The following CDC42BPA variants were observed in gnomAD, a reference collection of about 807,000 sequenced individuals.
CDC42BPA encodes serine/threonine-protein kinase MRCK alpha.
Under a neutral mutation model 223.5 loss-of-function variants are expected in CDC42BPA, and 80 were observed. That is an observed-to-expected ratio of 0.36 (90% CI 0.30 to 0.43). CDC42BPA has a LOEUF of 0.43. CDC42BPA is among the 20% of genes least tolerant of loss of function. The pLI is 1.00. For missense variants in CDC42BPA, 1,743 were observed against 2,099.9 expected, an observed-to-expected ratio of 0.83 and a Z score of 3.32; for synonymous variants, 694 against 718.6, an observed-to-expected ratio of 0.97 and a Z score of 0.55.
intron 1 of CDC42BPA, among the ~76,000 whole-genome samples, chr1:227,259,915 C>CA (rs552286985): frequency 3.2e-4 from 48 of 147,734 alleles, no homozygotes; most frequent in African/African-American, 1.0e-3. Flanking sequence ...AAAACAAAAA[C>CA]AAAAAAAATT....
At chr1:227,130,671 A>G (rs1489800293) in intron 10 of CDC42BPA, among the ~76,000 whole-genome samples, 1 of 152,142 alleles carries the variant, frequency 6.6e-6, no homozygotes, top group Non-Finnish European at 1.5e-5. Context: ...CCTGGCCAAC[A>G]TGGTGAAACC....
chr1:227,193,464 T>C (rs1045679208), intron 5 of CDC42BPA, among the ~76,000 whole-genome samples: 21 of 152,214 alleles, frequency 1.4e-4, no homozygotes, highest in African/African-American at 5.1e-4. Context: ...ATCACTTGAA[T>C]AGTGTACCCT....
In CDC42BPA at chr1:227,185,453, T is replaced by C. The variant is rs1316805605; in HGVS notation, c.599+8333A>G. ...TACATATCCCCACGTGTTTGGAACA[T>C]CATGGTGCCCCGCATTTGCATATTA... On this transcript the variant is annotated intron_variant, in intron 5 of 36. Coordinates refer to ENST00000366766, the MANE Select transcript of CDC42BPA (RefSeq NM_001394014.1). Among the ~76,000 whole-genome samples the C allele has an allele frequency of 3.3e-5, 5 of 152,118 alleles. No homozygotes were observed. The East Asian group carries it at 9.6e-4, about 29-fold the overall frequency.
At chr1:227,277,681 T>C (rs2148536133) in intron 1 of CDC42BPA, among the ~76,000 whole-genome samples, 1 of 152,318 alleles carries the variant, frequency 6.6e-6, no homozygotes, top group African/African-American at 2.4e-5. Context: ...TTGATAAAAT[T>C]CTGTAACAGT....
Position 226,992,156 on chromosome 1 carries a change from T to G in CDC42BPA, c.*2112A>C, listed in dbSNP as rs1238866621. 1 of 151,910 alleles carries G rather than the reference T, an allele frequency of 6.6e-6. No homozygotes were observed. The highest frequency in any genetic ancestry group is 1.5e-5 in the Non-Finnish European group (1 of 67,996). 9.4% of individuals were successfully genotyped at this position (151,910 alleles called of 1,614,324 possible). A position where few individuals can be genotyped will look rare whatever the true frequency, so the allele number is the denominator to read the frequency against. On this transcript the variant is annotated 3_prime_UTR_variant, in exon 37 of 37. Transcript: ENST00000366766. ...GCTGACTCCCTTCTCTCACGTGAGGTGCTGAGGACAAGGATCTACCAAGTC... is the reference window on the plus strand; with the variant it reads ...GCTGACTCCCTTCTCTCACGTGAGGGGCTGAGGACAAGGATCTACCAAGTC...
chr1:227,121,316 T>C (rs934783898), intron 11 of CDC42BPA, among the ~76,000 whole-genome samples: 2 of 152,234 alleles, frequency 1.3e-5, no homozygotes, highest in African/African-American at 4.8e-5. Context: ...AGACTGATGC[T>C]TTCAATAAAT....
intron 2 of CDC42BPA, among the ~76,000 whole-genome samples, chr1:227,251,363 T>A (rs941759035): frequency 2.6e-5 from 4 of 152,018 alleles, no homozygotes; most frequent in Non-Finnish European, 4.4e-5. Context: ...AAATATTCCA[T>A]TAATCGAAGA....
intron 1 of CDC42BPA, among the ~76,000 whole-genome samples, chr1:227,277,961 G>A (rs1687396918): frequency 6.6e-6 from 1 of 152,196 alleles, no homozygotes; most frequent in East Asian, 1.9e-4. Flanking sequence ...ATATTAGCCA[G>A]GATGGTCTCA....
chr1:227,068,189 T>C (rs369388905), intron 21 of CDC42BPA, among the ~76,000 whole-genome samples: 9 of 151,956 alleles, frequency 5.9e-5, no homozygotes, highest in African/African-American at 9.6e-5. Context: ...TACTCTATTA[T>C]TGTCATACAA....
intron 2 of CDC42BPA, among the ~76,000 whole-genome samples, chr1:227,247,863 C>T (rs1040089298): frequency 1.7e-4 from 26 of 152,234 alleles, no homozygotes; most frequent in African/African-American, 5.8e-4. Flanking sequence ...ACCTGGGTGA[C>T]AGAGTGTGAC....
At chr1:227,000,093 TATAATA>T (rs10605581) in intron 35 of CDC42BPA, among the ~76,000 whole-genome samples, 29,223 of 130,282 alleles carry the variant, frequency 0.22, 3,380 homozygotes, top group East Asian at 0.44. Flanking sequence ...GAACTTAAAG[TATAATA>T]ATAATAATAA....
intron 2 of CDC42BPA, among the ~76,000 whole-genome samples, chr1:227,246,448 C>T (rs1680973339): frequency 6.6e-6 from 1 of 152,190 alleles, no homozygotes; most frequent in Admixed American, 6.5e-5. Flanking sequence ...AGGTCTGACC[C>T]AGCACAGTCC....
chr1:227,068,582 G>T, intron 21 of CDC42BPA: 1 of 633,184 alleles, frequency 1.6e-6, no homozygotes, highest in Non-Finnish European at 2.2e-6. Flanking sequence ...TGCATTACTA[G>T]GCAAATTCTT....
intron 2 of CDC42BPA, among the ~76,000 whole-genome samples, chr1:227,238,991 T>C (rs1679562177): frequency 6.6e-6 from 1 of 152,174 alleles, no homozygotes; most frequent in Non-Finnish European, 1.5e-5. Context: ...AACTGATGTA[T>C]AAAACACAAC....
chr1:227,254,202 G>T, intron 1 of CDC42BPA, 47 bp from the exon 2 acceptor site: 1 of 952,564 alleles, frequency 1.0e-6, no homozygotes, highest in Non-Finnish European at 1.6e-6. Context: ...AAAATGTGAT[G>T]CAAATTAGAT....
intron 27 of CDC42BPA, among the ~76,000 whole-genome samples, chr1:227,032,027 C>T (rs747880637): frequency 4.6e-5 from 7 of 152,162 alleles, no homozygotes; most frequent in Non-Finnish European, 8.8e-5. Flanking sequence ...TCTTAAGCGC[C>T]ACACCATACT....
In CDC42BPA at chr1:227,036,574, C is replaced by G. The variant is rs551799030; in HGVS notation, c.3200-967G>C. On this transcript the variant is annotated intron_variant, in intron 24 of 36. Transcript: ENST00000366766. Reference sequence around the variant, plus strand: ...CCTCCCAAGCAGCTGGGACTACAGGCGCCCGCCACCTTGCCCGGCTAATTT... The same window carrying G: ...CCTCCCAAGCAGCTGGGACTACAGGGGCCCGCCACCTTGCCCGGCTAATTT... Among the ~76,000 whole-genome samples the G allele has an allele frequency of 7.9e-5, 12 of 151,982 alleles. No homozygotes were observed. The East Asian group carries it at 2.3e-3, about 29-fold the overall frequency.
intron 30 of CDC42BPA, 75 bp from the exon 31 acceptor site, chr1:227,026,227 A>G (rs1668218476): frequency 2.0e-5 from 15 of 757,972 alleles, no homozygotes; most frequent in Non-Finnish European, 3.4e-5. Flanking sequence ...AAAGGTCTAC[A>G]CTAAATAACT....
rs761943737 is a variant in CDC42BPA at position 227,225,325 on chromosome 1, T to G, written c.271-12106A>C. Among the ~76,000 whole-genome samples, 3 of 152,142 alleles carry G rather than the reference T, an allele frequency of 2.0e-5. No homozygotes were observed. In the South Asian group the frequency reaches 6.2e-4, roughly 32 times the overall value. On this transcript the variant is annotated intron_variant, in intron 2 of 36. Coordinates refer to ENST00000366766, the MANE Select transcript of CDC42BPA (RefSeq NM_001394014.1). ...ATGTAAATTACTGGATTACAGTAGATGATTAATAAGTATTATTTTCATTAG... is the reference window on the plus strand; with the variant it reads ...ATGTAAATTACTGGATTACAGTAGAGGATTAATAAGTATTATTTTCATTAG...
Sources: gnomAD v4.1 joint callset for allele counts (sites outside exome capture counted in the v4.1 genomes callset) on GRCh38, gnomAD v4.1.1 for gene constraint, MANE v1.5 for transcripts, NCBI Gene and HGNC (gene_info 2026-07-23, HGNC 2026-07-21) for gene names.